SPTLC3: variants seen among roughly 807,000 people sequenced by gnomAD.
SPTLC3 encodes serine palmitoyltransferase 3.
Under a neutral mutation model 59.3 loss-of-function variants are expected in SPTLC3, and 36 were observed. That is an observed-to-expected ratio of 0.61 (90% CI 0.47 to 0.80). SPTLC3 has a LOEUF of 0.80. Among genes scored for constraint, SPTLC3 ranks in the 30% least tolerant of loss-of-function variants. SPTLC3 has a pLI of 0.00. For synonymous variants in SPTLC3, 257 were observed against 240.8 expected, an observed-to-expected ratio of 1.07 and a Z score of -0.62; for missense variants, 625 against 685.1, an observed-to-expected ratio of 0.91 and a Z score of 0.98.
At chr20:13,122,479 G>A (rs1184374281) in intron 8 of SPTLC3, among the ~76,000 whole-genome samples, 2 of 152,194 alleles carry the variant, frequency 1.3e-5, no homozygotes, top group African/African-American at 4.8e-5. Context: ...GGAGAAGTCT[G>A]GAGAAGTCGA....
intron 11 of SPTLC3, among the ~76,000 whole-genome samples, chr20:13,161,159 A>G (rs1226560223): frequency 6.6e-6 from 1 of 152,242 alleles, no homozygotes; most frequent in East Asian, 1.9e-4. Context: ...AAATGATTGG[A>G]TGTGGTGCAT....
chr20:13,062,779 A>C, intron 2 of SPTLC3, among the ~76,000 whole-genome samples: 1 of 152,174 alleles, frequency 6.6e-6, no homozygotes, highest in South Asian at 2.1e-4. Flanking sequence ...AGATATTTAT[A>C]TGCCAATACA....
chr20:13,153,480 A>G (rs1444935006), intron 9 of SPTLC3, among the ~76,000 whole-genome samples: 1 of 152,148 alleles, frequency 6.6e-6, no homozygotes, highest in African/African-American at 2.4e-5. Context: ...TCTCAGCAGG[A>G]CTTATCTTTG....
At chr20:13,119,889 G>A (rs1385999671) in intron 8 of SPTLC3, among the ~76,000 whole-genome samples, 3 of 152,320 alleles carry the variant, frequency 2.0e-5, no homozygotes, top group East Asian at 1.9e-4. Context: ...ATACACACCT[G>A]TGTGGAATGA....
intron 1 of SPTLC3, among the ~76,000 whole-genome samples, chr20:13,016,134 G>A (rs1477556806): frequency 3.3e-5 from 5 of 151,942 alleles, no homozygotes; most frequent in African/African-American, 2.4e-5. Context: ...AAGCTATGAT[G>A]AGGGAAATAC....
At chr20:13,032,586 T>G (rs1431368234) in intron 1 of SPTLC3, among the ~76,000 whole-genome samples, 1 of 152,176 alleles carries the variant, frequency 6.6e-6, no homozygotes, top group Non-Finnish European at 1.5e-5. Flanking sequence ...GTGCCCACAC[T>G]GGTCCTCCTA....
At chr20:13,133,145 T>C (rs1488446336) in intron 9 of SPTLC3, 1 of 151,300 alleles carries the variant, frequency 6.6e-6, no homozygotes, top group East Asian at 2.0e-4. Flanking sequence ...CTTCCTCTCT[T>C]TTCTGCCAGG....
chr20:13,080,840 T>C (rs928627577), intron 4 of SPTLC3, among the ~76,000 whole-genome samples: 4 of 152,180 alleles, frequency 2.6e-5, no homozygotes, highest in Admixed American at 1.3e-4. Flanking sequence ...TGTTCAAGAA[T>C]AATCATTGCA....
At chr20:13,155,829 A>T (rs952596309) in intron 10 of SPTLC3, among the ~76,000 whole-genome samples, 3 of 152,126 alleles carry the variant, frequency 2.0e-5, no homozygotes, top group East Asian at 1.9e-4. Context: ...CCGTCTAAAA[A>T]AATAATAATA....
intron 2 of SPTLC3, among the ~76,000 whole-genome samples, chr20:13,058,423 G>A (rs1987815372): frequency 6.6e-6 from 1 of 152,160 alleles, no homozygotes; most frequent in African/African-American, 2.4e-5. Flanking sequence ...ATACTAATAA[G>A]TATGCAGCTT....
intron 2 of SPTLC3, among the ~76,000 whole-genome samples, chr20:13,056,002 G>T (rs547472866): frequency 6.6e-6 from 1 of 152,224 alleles, no homozygotes; most frequent in African/African-American, 2.4e-5. Context: ...TCTTGGTGGA[G>T]GAAGATCCCT....
intron 3 of SPTLC3, among the ~76,000 whole-genome samples, chr20:13,073,060 A>C (rs1988504586): frequency 1.3e-5 from 2 of 152,180 alleles, no homozygotes; most frequent in Non-Finnish European, 2.9e-5. Context: ...TTTATGCCAG[A>C]ATCATTTAAA....
intron 9 of SPTLC3, among the ~76,000 whole-genome samples, chr20:13,138,372 T>C (rs2122868088): frequency 6.6e-6 from 1 of 152,302 alleles, no homozygotes; most frequent in Non-Finnish European, 1.5e-5. Flanking sequence ...CATTATCTCC[T>C]GAGCCCCTGG....
At position 13,167,009 on chromosome 20, in the gene SPTLC3, C is replaced by A; in HGVS notation, c.*2142C>A. On this transcript the variant is annotated 3_prime_UTR_variant, in exon 12 of 12. Coordinates refer to ENST00000399002, the MANE Select transcript of SPTLC3 (RefSeq NM_018327.4). The stretch of plus-strand genomic sequence containing the variant: ...CACTGCAATGTACAAAACAAAAGGA[C>A]CTGTTTCTGTTAGAGAGTCCATGTT... 1 of 152,124 alleles carries A rather than the reference C, an allele frequency of 6.6e-6. No homozygotes were observed. Among genetic ancestry groups the A allele is most frequent in the East Asian group, 1.9e-4 (1 of 5,184 alleles). 9.4% of individuals were successfully genotyped at this position (152,124 alleles called of 1,614,324 possible). A position where few individuals can be genotyped will look rare whatever the true frequency, so the allele number is the denominator to read the frequency against.
chr20:13,034,937 C>T lies in SPTLC3; in HGVS notation c.118-14008C>T, dbSNP rs140956665. Among the ~76,000 whole-genome samples, 278 of 152,234 alleles carry T rather than the reference C, an allele frequency of 1.8e-3. 1 individual carries two copies. Among genetic ancestry groups the T allele is most frequent in the African/African-American group, 6.0e-3 (249 of 41,554 alleles). On this transcript the variant is annotated intron_variant, in intron 1 of 11. Coordinates refer to ENST00000399002, the MANE Select transcript of SPTLC3 (RefSeq NM_018327.4). ...GGTCCAGGAGAAAGGTGATGGGTAT[C>T]TATCCTGATGTTCTCAATTCTATCT...
At position 13,072,357 on chromosome 20, in the gene SPTLC3, G is replaced by A; in HGVS notation, c.405G>A (p.Gly135=). The A allele has an allele frequency of 6.2e-7, 1 of 1,613,626 alleles. No homozygotes were observed. The highest frequency in any genetic ancestry group is 1.7e-5 in the Admixed American group (1 of 59,930). Residue 135 remains glycine (G), a synonymous_variant, in exon 3 of 12, where the codon GGG becomes GGA. Coordinates refer to ENST00000399002, the MANE Select transcript of SPTLC3 (RefSeq NM_018327.4). ...NWNRPICSAP[G]PLFDLMERVS... ...ACCGGCCCATCTGCAGTGCCCCAGG[G>A]CCTCTGTTTGATTTGATGGAGAGGG... is the stretch of plus-strand genomic sequence containing the variant.
chr20:13,067,604 G>C (rs1988272314), intron 2 of SPTLC3, among the ~76,000 whole-genome samples: 1 of 151,966 alleles, frequency 6.6e-6, no homozygotes, highest in African/African-American at 2.4e-5. Flanking sequence ...TTAGAAGAGT[G>C]GTAGGATTCA....
chr20:13,095,218 T>C (rs1989369507), intron 6 of SPTLC3, among the ~76,000 whole-genome samples: 1 of 152,198 alleles, frequency 6.6e-6, no homozygotes, highest in South Asian at 2.1e-4. Flanking sequence ...ATAAAGGGGA[T>C]AGCTAGGCAG....
At chr20:13,084,831 C>A (rs891658634) in intron 4 of SPTLC3, among the ~76,000 whole-genome samples, 8 of 152,132 alleles carry the variant, frequency 5.3e-5, no homozygotes, top group Non-Finnish European at 8.8e-5. Context: ...GCTGAACACT[C>A]ATTACACATT....
Sources: allele counts gnomAD v4.1 joint callset (sites outside exome capture counted in the v4.1 genomes callset), GRCh38; gene constraint gnomAD v4.1.1; transcripts MANE v1.5; gene names NCBI Gene and HGNC (gene_info 2026-07-23, HGNC 2026-07-21).